Variants in CORO2B observed in about 807,000 individuals in gnomAD.
The protein encoded by CORO2B is coronin-2B.
A neutral mutation model predicts 58.8 loss-of-function variants in CORO2B; 26 were observed. The ratio of observed to expected loss-of-function variants is 0.44; its 90% CI spans 0.32 to 0.61. CORO2B has a LOEUF of 0.61. Ranked by LOEUF, CORO2B falls within the 20% of genes least tolerant of loss-of-function variation. The pLI, the probability that CORO2B is intolerant of heterozygous loss-of-function variation, is 0.04. For missense variants in CORO2B, 460 were observed against 645.1 expected, an observed-to-expected ratio of 0.71 and a Z score of 3.11; for synonymous variants, 242 against 253.8, an observed-to-expected ratio of 0.95 and a Z score of 0.44.
At chr15:68,668,764 G>A (rs1166303288) in intron 2 of CORO2B, among the ~76,000 whole-genome samples, 7 of 152,098 alleles carry the variant, frequency 4.6e-5, no homozygotes, top group Non-Finnish European at 8.8e-5. Flanking sequence ...AAAGAAATAT[G>A]GTAACAACAC....
intron 2 of CORO2B, among the ~76,000 whole-genome samples, chr15:68,673,348 C>G (rs1241949577): frequency 2.1e-5 from 2 of 96,410 alleles, no homozygotes; most frequent in East Asian, 6.1e-4. Flanking sequence ...CCAGCCTGGG[C>G]AACCCTGTCT....
chr15:68,579,406 C>G, intron 1 of CORO2B, 129 bp downstream of exon 1: 5 of 942,454 alleles, frequency 5.3e-6, no homozygotes, highest in Non-Finnish European at 6.7e-6. Flanking sequence ...GCGCGCGCCT[C>G]TCTTGCTGCC....
chr15:68,701,457 G>T (rs1280861367), intron 3 of CORO2B, among the ~76,000 whole-genome samples: 1 of 140,774 alleles, frequency 7.1e-6, no homozygotes, highest in African/African-American at 2.6e-5. Flanking sequence ...GACTACAGGC[G>T]CCTGCAACCA....
intron 5 of CORO2B, among the ~76,000 whole-genome samples, chr15:68,712,194 G>A (rs117812260): frequency 0.029 from 4,378 of 152,284 alleles, 96 homozygotes; most frequent in Non-Finnish European, 0.045. Flanking sequence ...CCATTTGGAA[G>A]TAAGAAATTA....
the CORO2B span, among the ~76,000 whole-genome samples, chr15:68,546,792 T>C: frequency 3.3e-5 from 5 of 152,176 alleles, no homozygotes; most frequent in Non-Finnish European, 5.9e-5. Flanking sequence ...ACCTTGACTT[T>C]GACCTTAGCT....
intron 2 of CORO2B, among the ~76,000 whole-genome samples, chr15:68,681,361 G>C (rs1201405558): frequency 2.6e-5 from 4 of 152,094 alleles, no homozygotes; most frequent in African/African-American, 9.7e-5. Flanking sequence ...CCTTTCTAAA[G>C]ACCGTGTCAC....
the CORO2B span, among the ~76,000 whole-genome samples, chr15:68,559,364 C>T: frequency 2.0e-5 from 3 of 151,948 alleles, no homozygotes; most frequent in Non-Finnish European, 2.9e-5. This position sits in a 1 kb window ranked among gnomAD's most constrained non-coding sequence, Gnocchi z 4.3. Flanking sequence ...TAAAAGCCTC[C>T]GAGACATCCA....
At chr15:68,653,860 GA>G (rs35931709) in intron 2 of CORO2B, among the ~76,000 whole-genome samples, 139,819 of 147,342 alleles carry the variant, frequency 0.95, 66,708 homozygotes, top group South Asian at 1. Flanking sequence ...TCTCCCCCAG[GA>G]AAAAAAAAAA....
chr15:68,553,490 C>T, the CORO2B span, among the ~76,000 whole-genome samples: 1 of 152,230 alleles, frequency 6.6e-6, no homozygotes, highest in Non-Finnish European at 1.5e-5. Flanking sequence ...TGAGATTCTC[C>T]CCCGAACCAC....
chr15:68,612,068 G>T (rs749790226), intron 1 of CORO2B, among the ~76,000 whole-genome samples: 13 of 152,180 alleles, frequency 8.5e-5, no homozygotes, highest in Non-Finnish European at 1.6e-4. Context: ...ACTGCACCCG[G>T]CCTCAACTTT....
intron 2 of CORO2B, among the ~76,000 whole-genome samples, chr15:68,667,058 C>T (rs1254377715): frequency 6.6e-6 from 1 of 152,090 alleles, no homozygotes; most frequent in Non-Finnish European, 1.5e-5. Flanking sequence ...TTCCCTCTCC[C>T]CAGGCTCCCC....
At chr15:68,558,827 G>C in the CORO2B span, among the ~76,000 whole-genome samples, 72 of 152,290 alleles carry the variant, frequency 4.7e-4, no homozygotes, top group African/African-American at 1.7e-3. Context: ...GCCCTGCCTT[G>C]ACTGGCTGGG....
At chr15:68,651,997 A>G (rs1039516951) in intron 2 of CORO2B, among the ~76,000 whole-genome samples, 5 of 152,200 alleles carry the variant, frequency 3.3e-5, no homozygotes, top group South Asian at 4.1e-4. Flanking sequence ...AGCAAACTCT[A>G]TGTTCATTGA....
chr15:68,716,145 A>G (rs1297971217), intron 8 of CORO2B, among the ~76,000 whole-genome samples: 2 of 152,164 alleles, frequency 1.3e-5, no homozygotes, highest in Admixed American at 1.3e-4. Context: ...CCGAAGTCCT[A>G]ATCACCATTC....
At chr15:68,706,434 G>A (rs143153657) in intron 3 of CORO2B, among the ~76,000 whole-genome samples, 7 of 152,220 alleles carry the variant, frequency 4.6e-5, no homozygotes, top group African/African-American at 1.7e-4. Context: ...GCATGGGCAA[G>A]TTCAACACCA....
intron 1 of CORO2B, among the ~76,000 whole-genome samples, chr15:68,640,698 T>A (rs544703316): frequency 1.3e-5 from 2 of 152,282 alleles, no homozygotes; most frequent in South Asian, 2.1e-4. Context: ...AATGGTCAGT[T>A]TTCTCAGATG....
Position 68,673,226 on chromosome 15 carries a change from A to G in CORO2B, c.217-21914A>G, listed in dbSNP as rs948925975. ...CCTCAGAATTGATTGGGATCCATCAATCTCTTAAAGATGAGAAAGAAAGAG... is the reference window on the plus strand; with the variant it reads ...CCTCAGAATTGATTGGGATCCATCAGTCTCTTAAAGATGAGAAAGAAAGAG... On this transcript the variant is annotated intron_variant, in intron 2 of 11. Transcript: ENST00000261861. Among the ~76,000 whole-genome samples the G allele has an allele frequency of 5.3e-5, 8 of 152,134 alleles. No homozygotes were observed. In the East Asian group the frequency reaches 7.7e-4, roughly 15 times the overall value.
intron 1 of CORO2B, among the ~76,000 whole-genome samples, chr15:68,605,806 C>G (rs9630433): frequency 0.26 from 38,280 of 146,142 alleles, 5,688 homozygotes; most frequent in Non-Finnish European, 0.34. Context: ...CTCACTGCAA[C>G]CTCCACCTCC....
chr15:68,618,329 A>G (rs977647049), intron 1 of CORO2B, among the ~76,000 whole-genome samples: 1 of 152,244 alleles, frequency 6.6e-6, no homozygotes, highest in Non-Finnish European at 1.5e-5. Flanking sequence ...CGTTGCATAT[A>G]TTACACATGT....
Sources: gnomAD v4.1 joint callset for allele counts (sites outside exome capture counted in the v4.1 genomes callset) on GRCh38, gnomAD v4.1.1 for gene constraint, Gnocchi (gnomAD v3.1) non-coding constraint, MANE v1.5 for transcripts, NCBI Gene and HGNC (gene_info 2026-07-23, HGNC 2026-07-21) for gene names.